The following DCC variants were observed in gnomAD, a reference collection of about 807,000 sequenced individuals.
DCC encodes the protein DCC netrin 1 receptor, also known as netrin receptor DCC.
DCC carries 58 observed loss-of-function variants against 172.5 expected under a neutral mutation model. That is an observed-to-expected ratio of 0.34 (90% CI 0.27 to 0.42). DCC has a LOEUF of 0.42. Among genes scored for constraint, DCC ranks in the 10% least tolerant of loss-of-function variants. The probability of loss-of-function intolerance (pLI) is 1.00; values close to 1 mark genes in which losing one functional copy is unlikely to be tolerated. For missense variants in DCC, 1,740 were observed against 1,791.0 expected, an observed-to-expected ratio of 0.97 and a Z score of 0.51; for synonymous variants, 709 against 644.5, an observed-to-expected ratio of 1.10 and a Z score of -1.52.
At chr18:52,345,869 AT>A (rs763674352) in intron 1 of DCC, among the ~76,000 whole-genome samples, 1 of 152,222 alleles carries the variant, frequency 6.6e-6, no homozygotes, top group Non-Finnish European at 1.5e-5. Flanking sequence ...CTCAGCCAAT[AT>A]TATTGAAGTT....
intron 1 of DCC, among the ~76,000 whole-genome samples, chr18:52,701,845 A>G (rs1323185159): frequency 6.6e-6 from 1 of 152,136 alleles, no homozygotes; most frequent in African/African-American, 2.4e-5. Flanking sequence ...TTAATCCACC[A>G]TGTTGGCTTC....
At chr18:52,585,497 C>T (rs1302074547) in intron 1 of DCC, among the ~76,000 whole-genome samples, 1 of 152,174 alleles carries the variant, frequency 6.6e-6, no homozygotes, top group Non-Finnish European at 1.5e-5. Context: ...TATCTTTCCA[C>T]TGGAATGGCT....
chr18:53,161,936 C>T (rs1371839426), intron 8 of DCC, among the ~76,000 whole-genome samples: 1 of 152,110 alleles, frequency 6.6e-6, no homozygotes, highest in Non-Finnish European at 1.5e-5. Flanking sequence ...TAAAGTATTT[C>T]ATCATATTAT....
intron 1 of DCC, among the ~76,000 whole-genome samples, chr18:52,551,955 T>C (rs2032786842): frequency 6.6e-6 from 1 of 151,946 alleles, no homozygotes; most frequent in Non-Finnish European, 1.5e-5. Context: ...GAATCGTGTG[T>C]GGATTTGGTG....
intron 26 of DCC, among the ~76,000 whole-genome samples, chr18:53,488,087 A>T (rs552454369): frequency 6.6e-6 from 1 of 152,234 alleles, no homozygotes; most frequent in South Asian, 2.1e-4. Context: ...CACTCTTTTG[A>T]TTTCTTGTAT....
At chr18:52,353,051 C>T (rs1159780272) in intron 1 of DCC, among the ~76,000 whole-genome samples, 2 of 152,186 alleles carry the variant, frequency 1.3e-5, no homozygotes, top group African/African-American at 4.8e-5. Flanking sequence ...GAAACTGCCC[C>T]TACCACACTA....
chr18:52,733,711 G>T (rs1157433011), intron 1 of DCC, among the ~76,000 whole-genome samples: 4 of 152,028 alleles, frequency 2.6e-5, no homozygotes, highest in Non-Finnish European at 4.4e-5. Context: ...ACCTAGGGTG[G>T]TCTCAAACTC....
Position 53,491,219 on chromosome 18 carries a change from G to A in DCC, c.3898+4261G>A, listed in dbSNP as rs564052142. Among the ~76,000 whole-genome samples the A allele has an allele frequency of 7.9e-5, 12 of 152,218 alleles. No homozygotes were observed. The East Asian group carries it at 9.7e-4, about 12-fold the overall frequency. On this transcript the variant is annotated intron_variant, in intron 26 of 28. Transcript: ENST00000442544. ...GGAGATGCTGATGAGGAGCAATGGCGTTAAAGAGTAGGATTAGGAAAAAAG... is the reference window on the plus strand; with the variant it reads ...GGAGATGCTGATGAGGAGCAATGGCATTAAAGAGTAGGATTAGGAAAAAAG...
At position 52,479,584 on chromosome 18, in the gene DCC, C is replaced by G. The variant is rs1051886778; in HGVS notation, c.91+138706C>G. Among the ~76,000 whole-genome samples the G allele has an allele frequency of 1.6e-3, 233 of 148,578 alleles. 1 individual carries two copies. Among genetic ancestry groups the G allele is most frequent in the African/African-American group, 5.4e-3 (214 of 39,898 alleles). ...TCTCACTCCCTACCTCCCTCCACCC[C>G]CCCCCCGTCTCCCTTCCTCTCACTA... On this transcript the variant is annotated intron_variant, in intron 1 of 28. Transcript: ENST00000442544.
At chr18:52,646,652 T>C (rs1172776022) in intron 1 of DCC, among the ~76,000 whole-genome samples, 1 of 152,074 alleles carries the variant, frequency 6.6e-6, no homozygotes, top group Admixed American at 6.5e-5. Flanking sequence ...ATAAAGAACA[T>C]TATAAAAGAT....
intron 1 of DCC, among the ~76,000 whole-genome samples, chr18:52,364,033 A>G (rs537110969): frequency 6.6e-6 from 1 of 152,308 alleles, no homozygotes; most frequent in South Asian, 2.1e-4. Context: ...ACACCTAAGC[A>G]GGTTGGTGTT....
intron 1 of DCC, among the ~76,000 whole-genome samples, chr18:52,366,695 C>G (rs1984874393): frequency 1.3e-5 from 2 of 151,658 alleles, no homozygotes; most frequent in African/African-American, 2.4e-5. Flanking sequence ...CAAGGCCCCA[C>G]CAGAGCAGCT....
chr18:52,611,014 A>G (rs2034266676), intron 1 of DCC, among the ~76,000 whole-genome samples: 2 of 152,158 alleles, frequency 1.3e-5, no homozygotes, highest in Non-Finnish European at 2.9e-5. Flanking sequence ...GAGATTTAGG[A>G]ATGTTTGTTG....
intron 2 of DCC, among the ~76,000 whole-genome samples, chr18:52,792,834 TATTCCATTCC>T (rs58127650): frequency 9.0e-4 from 105 of 117,004 alleles, no homozygotes; most frequent in Middle Eastern, 4.3e-3. Context: ...TATTCCATTC[TATTCCATTCC>T]ATTCCATTCC....
At chr18:52,892,115 C>T (rs1308468595) in intron 2 of DCC, among the ~76,000 whole-genome samples, 1 of 152,084 alleles carries the variant, frequency 6.6e-6, no homozygotes, top group African/African-American at 2.4e-5. Flanking sequence ...CTTCAAAGCC[C>T]ATGTCCTATT....
intron 1 of DCC, among the ~76,000 whole-genome samples, chr18:52,706,300 C>G (rs2036211022): frequency 6.6e-6 from 1 of 152,196 alleles, no homozygotes; most frequent in Admixed American, 6.5e-5. Context: ...ACTTAGATAA[C>G]AGCTGTGGGT....
chr18:53,088,929 G>A (rs9962460), intron 7 of DCC, among the ~76,000 whole-genome samples: 2 of 152,092 alleles, frequency 1.3e-5, no homozygotes, highest in Non-Finnish European at 2.9e-5. Flanking sequence ...TGATAAGTTT[G>A]TGATACTTGA....
intron 1 of DCC, among the ~76,000 whole-genome samples, chr18:52,471,569 G>A (rs1449642947): frequency 6.6e-6 from 1 of 152,138 alleles, no homozygotes; most frequent in Non-Finnish European, 1.5e-5. Flanking sequence ...TATTTCAGCA[G>A]CACCTAACTC....
intron 5 of DCC, among the ~76,000 whole-genome samples, chr18:53,061,115 CATT>C (rs1384631576): frequency 6.6e-6 from 1 of 152,048 alleles, no homozygotes; most frequent in Non-Finnish European, 1.5e-5. Context: ...CATTAACTGT[CATT>C]ATTCTCAATT....
Sources: allele counts gnomAD v4.1 joint callset (sites outside exome capture counted in the v4.1 genomes callset), GRCh38; gene constraint gnomAD v4.1.1; transcripts MANE v1.5; gene names NCBI Gene and HGNC (gene_info 2026-07-23, HGNC 2026-07-21).